The following XPR1 variants were observed in gnomAD, a reference collection of about 807,000 sequenced individuals.
XPR1 encodes solute carrier family 53 member 1.
A neutral mutation model predicts 87.5 loss-of-function variants in XPR1; 28 were observed. The ratio of observed to expected loss-of-function variants is 0.32; its 90% CI spans 0.24 to 0.44. The LOEUF is 0.44. XPR1 is among the 20% of genes least tolerant of loss of function. XPR1 has a pLI of 1.00. For missense variants in XPR1, 559 were observed against 862.3 expected (o/e 0.65, Z 4.41); for synonymous variants, 300 against 306.1 (o/e 0.98, Z 0.21).
chr1:180,836,048 C>CTT (rs1216876882), intron 10 of XPR1, among the ~76,000 whole-genome samples: 1 of 152,072 alleles, frequency 6.6e-6, no homozygotes, highest in African/African-American at 2.4e-5. Flanking sequence ...CTCTCCTTGA[C>CTT]TTATCTATCA....
At chr1:180,830,197 G>C (rs1023208586) in intron 9 of XPR1, among the ~76,000 whole-genome samples, 16 of 152,138 alleles carry the variant, frequency 1.1e-4, no homozygotes, top group African/African-American at 3.9e-4. Context: ...TTCGTGCATA[G>C]ATGACTACCA....
chr1:180,780,248 A>C (rs971250959), intron 2 of XPR1, among the ~76,000 whole-genome samples: 2 of 152,184 alleles, frequency 1.3e-5, no homozygotes, highest in Admixed American at 6.5e-5. Context: ...CTGTTTTCCC[A>C]AGTGGCTACA....
At chr1:180,659,244 TCCTTCCTCCCTCCCTCCCTC>T (rs1230923285) in intron 1 of XPR1, among the ~76,000 whole-genome samples, 2 of 10,426 alleles carry the variant, frequency 1.9e-4, no homozygotes, top group East Asian at 1.3e-3. Context: ...CTTCCTTCCT[TCCTTCCTCCCTCCCTCCCTC>T]CCTCCCTCCC....
chr1:180,639,924 G>A (rs1178739169), intron 1 of XPR1, among the ~76,000 whole-genome samples: 2 of 152,126 alleles, frequency 1.3e-5, no homozygotes, highest in African/African-American at 4.8e-5. Context: ...TGGCTTCCCT[G>A]GATCTCATGT....
intron 2 of XPR1, among the ~76,000 whole-genome samples, chr1:180,725,387 G>A (rs935511261): frequency 6.6e-6 from 1 of 151,814 alleles, no homozygotes; most frequent in Non-Finnish European, 1.5e-5. Context: ...AAATTTGGGG[G>A]AAAAAAAGGA....
chr1:180,715,274 G>A (rs1258418261), intron 2 of XPR1, among the ~76,000 whole-genome samples: 1 of 152,198 alleles, frequency 6.6e-6, no homozygotes, highest in Non-Finnish European at 1.5e-5. Flanking sequence ...CAGGAATCTT[G>A]TATTTATTTA....
At position 180,632,031 on chromosome 1, in the gene XPR1, A is replaced by C. The variant is rs968520831; in HGVS notation, c.-171A>C. On this transcript the variant is annotated 5_prime_UTR_variant, in exon 1 of 15. Coordinates refer to ENST00000367590, the MANE Select transcript of XPR1 (RefSeq NM_004736.4). ...GGGGAGGGGCGGGGCTATGGAGAGGAGGAGGAAGATGGCGGGCGGGCTGCT... is the reference window on the plus strand; with the variant it reads ...GGGGAGGGGCGGGGCTATGGAGAGGCGGAGGAAGATGGCGGGCGGGCTGCT... The C allele has an allele frequency of 1.4e-6, 1 of 718,532 alleles. No homozygotes were observed. Among genetic ancestry groups the C allele is most frequent in the Non-Finnish European group, 2.5e-6 (1 of 407,848 alleles). The allele number at this position is 718,532 out of a possible 1,614,324, so 44.5% of individuals were successfully genotyped here.
chr1:180,688,156 G>A (rs1656854157), intron 2 of XPR1, among the ~76,000 whole-genome samples: 1 of 150,322 alleles, frequency 6.7e-6, no homozygotes, highest in Non-Finnish European at 1.5e-5. Context: ...GGGTTCAAGT[G>A]ATTCTCCTGC....
chr1:180,842,177 AAGAC>A (rs966475286), intron 11 of XPR1, among the ~76,000 whole-genome samples: 4 of 152,194 alleles, frequency 2.6e-5, no homozygotes, highest in African/African-American at 9.7e-5. Context: ...CAAGGAGTAA[AAGAC>A]AGTGAGGTAA....
At chr1:180,652,634 C>T (rs1655335043) in intron 1 of XPR1, among the ~76,000 whole-genome samples, 1 of 152,060 alleles carries the variant, frequency 6.6e-6, no homozygotes, top group South Asian at 2.1e-4. Flanking sequence ...ATAATATTTT[C>T]CTTTCCATAC....
chr1:180,684,890 G>T (rs1225751683), intron 2 of XPR1, among the ~76,000 whole-genome samples: 1 of 152,194 alleles, frequency 6.6e-6, no homozygotes, highest in Non-Finnish European at 1.5e-5. Context: ...TCTGGGCTGA[G>T]ACGATGAGGT....
At chr1:180,667,730 T>G (rs547203378) in intron 1 of XPR1, among the ~76,000 whole-genome samples, 13 of 152,266 alleles carry the variant, frequency 8.5e-5, no homozygotes, top group South Asian at 6.2e-4. Context: ...TCCAGGGCTT[T>G]TCTTTGTTGG....
At chr1:180,846,403 A>G (rs1468655606) in intron 11 of XPR1, among the ~76,000 whole-genome samples, 3 of 151,934 alleles carry the variant, frequency 2.0e-5, no homozygotes, top group Non-Finnish European at 4.4e-5. Context: ...CAGTGGGCTA[A>G]TGTTGAATTT....
At chr1:180,803,348 T>A in intron 3 of XPR1, 40 bp from the exon 4 acceptor site, 1 of 1,568,328 alleles carries the variant, frequency 6.4e-7, no homozygotes, top group Non-Finnish European at 8.6e-7. Context: ...AGGAACTTTT[T>A]TATCTTACTG....
intron 12 of XPR1, 83 bp from the exon 13 acceptor site, chr1:180,873,720 G>C: frequency 1.3e-6 from 2 of 1,483,676 alleles, no homozygotes; most frequent in Admixed American, 3.9e-5. Context: ...TGTGAGTCTT[G>C]TTTGTAGGAC....
At chr1:180,704,932 A>G (rs550860577) in intron 2 of XPR1, among the ~76,000 whole-genome samples, 20 of 145,802 alleles carry the variant, frequency 1.4e-4, no homozygotes, top group Middle Eastern at 3.8e-3. Context: ...TCACTGTTTC[A>G]GGCTTTCTGT....
At chr1:180,725,203 T>A (rs1305279608) in intron 2 of XPR1, among the ~76,000 whole-genome samples, 2 of 152,222 alleles carry the variant, frequency 1.3e-5, no homozygotes, top group Non-Finnish European at 2.9e-5. Context: ...ACCCAAGATT[T>A]ATTGTAGCAT....
intron 3 of XPR1, among the ~76,000 whole-genome samples, chr1:180,791,866 C>T (rs995768073): frequency 3.3e-5 from 5 of 152,036 alleles, no homozygotes; most frequent in African/African-American, 1.2e-4. Context: ...TAAGTTAGGT[C>T]GCTTCTCAAA....
chr1:180,669,064 G>A (rs1656063655), intron 1 of XPR1, among the ~76,000 whole-genome samples: 1 of 147,778 alleles, frequency 6.8e-6, no homozygotes, highest in African/African-American at 2.5e-5. Context: ...ATTCCAGCCT[G>A]AGCAACAAGA....
Sources: gnomAD v4.1 joint callset for allele counts (sites outside exome capture counted in the v4.1 genomes callset) on GRCh38, gnomAD v4.1.1 for gene constraint, MANE v1.5 for transcripts, NCBI Gene and HGNC (gene_info 2026-07-23, HGNC 2026-07-21) for gene names.